PCDHA13: variants seen among roughly 807,000 people sequenced by gnomAD.
PCDHA13 encodes protocadherin alpha 13, also known as protocadherin alpha-13.
In PCDHA13, 54 loss-of-function variants were observed where a neutral mutation model predicts 64.8. The ratio of observed to expected loss-of-function variants is 0.83; its 90% CI spans 0.67 to 1.04. The LOEUF (loss-of-function observed/expected upper bound fraction) is 1.04. Ranked by LOEUF, PCDHA13 falls within the 50% of genes least tolerant of loss-of-function variation. The pLI, the probability that PCDHA13 is intolerant of heterozygous loss-of-function variation, is 0.00. For missense variants in PCDHA13, 1,248 were observed against 1,254.3 expected (o/e 0.99, Z 0.08); for synonymous variants, 587 against 564.4 (o/e 1.04, Z -0.57).
intron 1 of PCDHA13, among the ~76,000 whole-genome samples, chr5:140,923,976 A>G (rs1257687753): frequency 6.6e-6 from 1 of 152,176 alleles, no homozygotes; most frequent in Non-Finnish European, 1.5e-5. Context: ...CACACATACT[A>G]TCCCTCTAGG....
At chr5:140,925,508 A>C (rs1244251216) in intron 1 of PCDHA13, among the ~76,000 whole-genome samples, 1 of 152,138 alleles carries the variant, frequency 6.6e-6, no homozygotes, top group African/African-American at 2.4e-5. Flanking sequence ...ATATCCACGC[A>C]AAAGACCAAA....
chr5:141,003,469 A>G (rs536017033), intron 3 of PCDHA13, among the ~76,000 whole-genome samples: 53 of 152,106 alleles, frequency 3.5e-4, no homozygotes, highest in Admixed American at 2.3e-3. Flanking sequence ...GCACCACCAC[A>G]GTCTCGCTAA....
At chr5:140,973,414 C>G (rs992904408) in intron 1 of PCDHA13, among the ~76,000 whole-genome samples, 1 of 152,204 alleles carries the variant, frequency 6.6e-6, no homozygotes, top group Non-Finnish European at 1.5e-5. Flanking sequence ...GCTTCCACTC[C>G]AGTTTTTCAT....
intron 3 of PCDHA13, among the ~76,000 whole-genome samples, chr5:140,986,013 A>C (rs544858025): frequency 6.6e-6 from 1 of 152,298 alleles, no homozygotes; most frequent in Admixed American, 6.5e-5. Flanking sequence ...TGCTGGGATT[A>C]CAGGCGTGAG....
chr5:140,885,819 A>G (rs1488283542), intron 1 of PCDHA13, among the ~76,000 whole-genome samples: 1 of 152,032 alleles, frequency 6.6e-6, no homozygotes, highest in Non-Finnish European at 1.5e-5. Flanking sequence ...TTTGTATTTG[A>G]TCTTCTTTGA....
At chr5:140,967,970 C>T (rs2096204544) in intron 1 of PCDHA13, 2 of 1,614,202 alleles carry the variant, frequency 1.2e-6, no homozygotes, top group South Asian at 2.2e-5. Context: ...GAAAGTGAGC[C>T]TGGGTCTGGA....
At chr5:140,892,144 G>A (rs549500463) in intron 1 of PCDHA13, among the ~76,000 whole-genome samples, 45 of 152,220 alleles carry the variant, frequency 3.0e-4, no homozygotes, top group African/African-American at 1.1e-3. Context: ...TGGTTTTAGC[G>A]TCTATTTCTG....
intron 1 of PCDHA13, among the ~76,000 whole-genome samples, chr5:140,910,646 G>T (rs1490115049): frequency 6.6e-6 from 1 of 152,158 alleles, no homozygotes; most frequent in Non-Finnish European, 1.5e-5. Flanking sequence ...TAAACCTTTT[G>T]ATCCCTTCCT....
chr5:140,971,284 A>G lies in PCDHA13; in HGVS notation c.2395-7665A>G, dbSNP rs573117700. 1.7e-3 allele frequency among the ~76,000 whole-genome samples: 257 copies of G among 152,334 alleles called. 1 individual carries two copies. The highest frequency in any genetic ancestry group is 3.4e-3 in the Non-Finnish European group (234 of 68,028). ...CTGTCTTACACTGACCTGTATATTAATATGTACTTTGGTACACAAACATTT... is the reference window on the plus strand; with the variant it reads ...CTGTCTTACACTGACCTGTATATTAGTATGTACTTTGGTACACAAACATTT... On this transcript the variant is annotated intron_variant, in intron 1 of 3. Transcript: ENST00000289272.
intron 1 of PCDHA13, among the ~76,000 whole-genome samples, chr5:140,889,933 A>T (rs1034906344): frequency 7.9e-5 from 12 of 152,188 alleles, no homozygotes; most frequent in African/African-American, 2.9e-4. Context: ...CTCAAGCTGG[A>T]CTTGTGAGAA....
At chr5:140,967,972 G>A (rs781888174) in intron 1 of PCDHA13, 88 of 1,614,072 alleles carry the variant, frequency 5.5e-5, no homozygotes, top group Non-Finnish European at 7.3e-5. Flanking sequence ...AAGTGAGCCT[G>A]GGTCTGGAGG....
At chr5:140,938,133 A>G (rs2091933876) in intron 1 of PCDHA13, among the ~76,000 whole-genome samples, 1 of 152,268 alleles carries the variant, frequency 6.6e-6, no homozygotes, top group South Asian at 2.1e-4. Context: ...AAAAATAGAG[A>G]TAGAGTCTCA....
chr5:140,947,549 C>T (rs530708816), intron 1 of PCDHA13, among the ~76,000 whole-genome samples: 11 of 151,312 alleles, frequency 7.3e-5, no homozygotes, highest in Admixed American at 2.0e-4. Context: ...CAAAGAATTC[C>T]GCTGGGATTT....
At chr5:140,997,740 C>T (rs568361121) in intron 3 of PCDHA13, among the ~76,000 whole-genome samples, 3 of 151,924 alleles carry the variant, frequency 2.0e-5, no homozygotes, top group African/African-American at 7.2e-5. Flanking sequence ...ATAGATTTGC[C>T]ACAATCTTCT....
At chr5:140,900,957 A>C (rs1264192105) in intron 1 of PCDHA13, among the ~76,000 whole-genome samples, 1 of 152,206 alleles carries the variant, frequency 6.6e-6, no homozygotes, top group African/African-American at 2.4e-5. Flanking sequence ...TCTGATTATC[A>C]GTGATGTTGA....
chr5:140,900,271 G>A (rs1055315411), intron 1 of PCDHA13, among the ~76,000 whole-genome samples: 2 of 151,762 alleles, frequency 1.3e-5, no homozygotes, highest in Non-Finnish European at 2.9e-5. Flanking sequence ...TTGTGTATAT[G>A]TACCACACTT....
At chr5:140,998,403 A>G (rs375947232) in intron 3 of PCDHA13, among the ~76,000 whole-genome samples, 5 of 152,114 alleles carry the variant, frequency 3.3e-5, no homozygotes, top group Non-Finnish European at 7.4e-5. Context: ...CTTTATGCCA[A>G]AGTTTATCTA....
intron 1 of PCDHA13, among the ~76,000 whole-genome samples, chr5:140,960,597 C>G (rs1315375637): frequency 1.3e-5 from 2 of 152,092 alleles, no homozygotes; most frequent in Non-Finnish European, 2.9e-5. Flanking sequence ...ATTCAAGGTA[C>G]TTCAACAATA....
At chr5:140,920,136 C>T (rs1554199437) in intron 1 of PCDHA13, among the ~76,000 whole-genome samples, 1 of 152,182 alleles carries the variant, frequency 6.6e-6, no homozygotes, top group African/African-American at 2.4e-5. Flanking sequence ...TTTAATTCTC[C>T]TCTCCAAACC....
Sources: allele counts gnomAD v4.1 joint callset (sites outside exome capture counted in the v4.1 genomes callset), GRCh38; gene constraint gnomAD v4.1.1; transcripts MANE v1.5; gene names NCBI Gene and HGNC (gene_info 2026-07-23, HGNC 2026-07-21).